MORN1: variants seen among roughly 807,000 people sequenced by gnomAD.
MORN1 encodes the protein MORN repeat containing 1, also known as MORN repeat-containing protein 1.
MORN1 carries 67 observed loss-of-function variants against 61.9 expected under a neutral mutation model. The observed-to-expected ratio is 1.08, with a 90% CI of 0.89 to 1.33. The LOEUF (loss-of-function observed/expected upper bound fraction) is 1.33. Ranked by LOEUF, MORN1 falls within the 40% of genes most tolerant of loss-of-function variation. The pLI is 0.00. For missense variants in MORN1, 752 were observed against 691.2 expected (o/e 1.09, Z -0.99); for synonymous variants, 301 against 292.0 (o/e 1.03, Z -0.31).
rs373464700 is a variant in MORN1, at chr1:2,337,136, G to C, written c.1037-286C>G. ...CAGGGAGCCCAGCGCTTTGCAGTGG[G>C]AAGGGTCTCCCATCAGCAGCCCCCG... On this transcript the variant is annotated intron_variant, in intron 10 of 13. Transcript: ENST00000378531. This position sits in a 1 kb window ranked among gnomAD's most constrained non-coding sequence, Gnocchi z 5.7. Among the ~76,000 whole-genome samples the C allele has an allele frequency of 1.4e-4, 22 of 152,262 alleles. No homozygotes were observed. The East Asian group carries it at 1.9e-3, about 13-fold the overall frequency.
At chr1:2,332,927 G>C (rs1641190308) in intron 12 of MORN1, among the ~76,000 whole-genome samples, 1 of 152,158 alleles carries the variant, frequency 6.6e-6, no homozygotes, top group African/African-American at 2.4e-5. Context: ...ACCTCCATGG[G>C]GTGCAGCCCA....
intron 10 of MORN1, chr1:2,351,695 A>C: frequency 2.2e-6 from 1 of 448,016 alleles, no homozygotes; most frequent in African/African-American, 2.1e-5. Flanking sequence ...GTTGCTTCGC[A>C]TTCTTTAGTT....
chr1:2,358,485 C>A, intron 9 of MORN1, 107 bp downstream of exon 9: 2 of 1,428,702 alleles, frequency 1.4e-6, no homozygotes, highest in Non-Finnish European at 9.7e-7. Context: ...TTTGTCATAA[C>A]CAGGACTTAG....
chr1:2,323,964 C>T, intron 13 of MORN1, 133 bp downstream of exon 13: 1 of 1,443,970 alleles, frequency 6.9e-7, no homozygotes, highest in South Asian at 1.4e-5. Context: ...GCTCCCCAGT[C>T]CCCCACCCAC....
rs1055662320 is a variant in MORN1 at position 2,391,441 on chromosome 1, T to C, written c.76+17A>G. On this transcript the variant is annotated intron_variant, in intron 1 of 13. Transcript: ENST00000378531. ...CCAGGGCAGCCAGCGACCTGTCCCG[T>C]GGCCCGCAGTCGTTACCGTTCCGGG... 1.2e-4 allele frequency: 150 copies of C among 1,256,788 alleles called. No individual in the cohort carries two copies. Among genetic ancestry groups the C allele is most frequent in the Non-Finnish European group, 1.4e-4 (144 of 993,118 alleles). The allele number at this position is 1,256,788 out of a possible 1,614,324, so 77.9% of individuals were successfully genotyped here.
intron 4 of MORN1, 68 bp from the exon 5 acceptor site, chr1:2,385,965 T>G (rs939310217): frequency 7.0e-7 from 1 of 1,419,426 alleles, no homozygotes; most frequent in African/African-American, 1.4e-5. Context: ...GGATCTGCCC[T>G]CCGCTCCTTG....
At chr1:2,368,351 A>G (rs1642039816) in intron 8 of MORN1, among the ~76,000 whole-genome samples, 1 of 152,256 alleles carries the variant, frequency 6.6e-6, no homozygotes, top group Non-Finnish European at 1.5e-5. Context: ...AGCTCAGGGC[A>G]GTGTCGCAGT....
chr1:2,325,192 CT>C (rs1640995931), intron 12 of MORN1, among the ~76,000 whole-genome samples: 1 of 2,102 alleles, frequency 4.8e-4, no homozygotes, highest in African/African-American at 1.4e-3. Flanking sequence ...CCTTCCTTCA[CT>C]TCCTTCTTTT....
intron 13 of MORN1, chr1:2,323,096 T>A (rs1640920626): frequency 1.0e-6 from 1 of 985,266 alleles, no homozygotes; most frequent in Non-Finnish European, 1.2e-6. Context: ...CCTAGCCGAT[T>A]CCTGTCACTG....
chr1:2,328,409 C>T (rs1641081000), intron 12 of MORN1, among the ~76,000 whole-genome samples: 1 of 152,214 alleles, frequency 6.6e-6, no homozygotes, highest in South Asian at 2.1e-4. Context: ...TGACAAGGGG[C>T]AGGAGGCTTT....
At chr1:2,375,139 T>C (rs748902576) in intron 6 of MORN1, 4 of 152,252 alleles carry the variant, frequency 2.6e-5, no homozygotes, top group Non-Finnish European at 4.4e-5. Context: ...GGGAAAATCA[T>C]GTGAAATAGC....
intron 12 of MORN1, among the ~76,000 whole-genome samples, chr1:2,331,376 G>A (rs975392271): frequency 1.3e-4 from 20 of 152,236 alleles, no homozygotes; most frequent in Non-Finnish European, 2.9e-5. Flanking sequence ...AGGGGTGGGC[G>A]GGCTTCTCCC....
chr1:2,349,241 G>A (rs1421237067), intron 10 of MORN1, among the ~76,000 whole-genome samples: 1 of 152,234 alleles, frequency 6.6e-6, no homozygotes, highest in Non-Finnish European at 1.5e-5. Context: ...ACCTGTGGAG[G>A]AGGAGGGAAC....
In MORN1 at chr1:2,358,575, G is replaced by T. The variant is rs745684412; in HGVS notation, c.869+17C>A. On this transcript the variant is annotated intron_variant, in intron 9 of 13. Coordinates refer to ENST00000378531, the MANE Select transcript of MORN1 (RefSeq NM_024848.3). ...AAACAAACTCAGAACTAACTCATTG[G>T]TGTCACACGTACTCACAATGGGGTC... 36 of 1,613,876 alleles carry T rather than the reference G, an allele frequency of 2.2e-5. No individual in the cohort carries two copies. In the South Asian group the frequency reaches 4.0e-4, roughly 18 times the overall value.
In MORN1 at chr1:2,337,565, C is replaced by T. The variant is rs941935849; in HGVS notation, c.1037-715G>A. Among the ~76,000 whole-genome samples the T allele has an allele frequency of 2.0e-5, 3 of 152,200 alleles. No individual in the cohort carries two copies. Among genetic ancestry groups the T allele is most frequent in the Admixed American group, 6.5e-5 (1 of 15,282 alleles). ...CCACGCACAGATGGAGCTGCAGCCC[C>T]CAGGGCCCACCCTGCTGTCTCTTTT... On this transcript the variant is annotated intron_variant, in intron 10 of 13. Transcript: ENST00000378531. This position sits in a 1 kb window ranked among gnomAD's most constrained non-coding sequence, Gnocchi z 5.7.
chr1:2,354,641 G>GCCA (rs377593442), intron 10 of MORN1, among the ~76,000 whole-genome samples: 1,764 of 152,328 alleles, frequency 0.012, 43 homozygotes, highest in African/African-American at 0.04. Context: ...CAGACCCCAG[G>GCCA]CCACGCTCCT....
Position 2,321,428 on chromosome 1 carries a change from C to T in MORN1, c.1449G>A (p.Trp483Ter), listed in dbSNP as rs1569892860. The change falls in exon 14 of 14, where the codon TGG (tryptophan) becomes TGA (stop). Residue 483 changes from tryptophan (W) to a stop codon, truncating the protein, a stop_gained. Transcript: ENST00000378531. LOFTEE classifies it low-confidence loss of function (END_TRUNC). ...CTGGGGTGCAGCTGTGGGCGGCCTGCCAGCTGCTTGAGGCTTCAGGGCCTT... is the reference window on the plus strand; with the variant it reads ...CTGGGGTGCAGCTGTGGGCGGCCTGTCAGCTGCTTGAGGCTTCAGGGCCTT... ...LEEGPEASSS[W>*]QAAHSCTPEP... 1.1e-5 allele frequency: 17 copies of T among 1,540,918 alleles called. No individual in the cohort carries two copies. The highest frequency in any genetic ancestry group is 1.4e-5 in the Non-Finnish European group (16 of 1,142,468).
intron 2 of MORN1, among the ~76,000 whole-genome samples, chr1:2,389,341 T>C (rs1642587436): frequency 1.3e-5 from 2 of 152,240 alleles, no homozygotes. Context: ...CAATCTCAGC[T>C]GACTGCAACC....
intron 13 of MORN1, chr1:2,323,737 C>G (rs1203914369): frequency 1.0e-6 from 1 of 985,280 alleles, no homozygotes; most frequent in Non-Finnish European, 1.2e-6. Context: ...AGCAGCTCCT[C>G]ATGGTTCAGC....
Sources: allele counts gnomAD v4.1 joint callset (sites outside exome capture counted in the v4.1 genomes callset), GRCh38; gene constraint gnomAD v4.1.1; non-coding constraint Gnocchi (gnomAD v3.1); transcripts MANE v1.5; gene names NCBI Gene and HGNC (gene_info 2026-07-23, HGNC 2026-07-21).